HS3ST1: variants seen among roughly 807,000 people sequenced by gnomAD.
HS3ST1 encodes heparan sulfate glucosamine 3-O-sulfotransferase 1.
In HS3ST1, 8 loss-of-function variants were observed where a neutral mutation model predicts 20.7. The ratio of observed to expected loss-of-function variants is 0.39; its 90% confidence interval spans 0.23 to 0.70. The LOEUF is 0.70. HS3ST1 is among the 30% of genes least tolerant of loss of function. The pLI, the probability that HS3ST1 is intolerant of heterozygous loss-of-function variation, is 0.46. For synonymous variants in HS3ST1, 205 were observed against 190.4 expected, an observed-to-expected ratio of 1.08 and a Z score of -0.63; for missense variants, 436 against 423.4, an observed-to-expected ratio of 1.03 and a Z score of -0.26.
upstream of HS3ST1, chr4:11,429,521 G>A (rs997926351): frequency 2.0e-5 from 3 of 152,220 alleles, no homozygotes; most frequent in African/African-American, 7.2e-5. Context: ...CGGCGGCCTG[G>A]GCCAGAATCC....
chr4:11,422,411 G>A (rs1718962720), intron 1 of HS3ST1, among the ~76,000 whole-genome samples: 1 of 152,136 alleles, frequency 6.6e-6, no homozygotes, highest in African/African-American at 2.4e-5. Context: ...AAGCAAATAA[G>A]CCAATCCAGT....
rs1335815121 is a variant in HS3ST1, at chr4:11,397,829, A to T, written c.*1253T>A. 1 of 152,140 alleles carries T rather than the reference A, an allele frequency of 6.6e-6. No individual in the cohort carries two copies. The highest frequency in any genetic ancestry group is 2.4e-5 in the African/African-American group (1 of 41,430). 9.4% of individuals were successfully genotyped at this position (152,140 alleles called of 1,614,324 possible). ...TTTGCTTGTTTGTATTTTCTCTTTT[A>T]CTGTAATGAATGTTTTATTTTTATT... is the stretch of plus-strand genomic sequence containing the variant. On this transcript the variant is annotated 3_prime_UTR_variant, in exon 2 of 2. Coordinates refer to ENST00000002596, the MANE Select transcript of HS3ST1 (RefSeq NM_005114.4).
Position 11,394,740 on chromosome 4 carries a change from G to A in HS3ST1, c.*4342C>T, listed in dbSNP as rs1718091310. On this transcript the variant is annotated 3_prime_UTR_variant, in exon 2 of 2. Transcript: ENST00000002596. ...ACTGAAAAGGAGCAGAGACATCGGA[G>A]ACAAAATTTCATTTGTAAGAAGTAA... 6.6e-6 allele frequency: 1 copy of A among 152,218 alleles called. No homozygotes were observed. The highest frequency in any genetic ancestry group is 6.5e-5 in the Admixed American group (1 of 15,280). The allele number at this position is 152,218 out of a possible 1,614,324, so 9.4% of individuals were successfully genotyped here. A position where few individuals can be genotyped will look rare whatever the true frequency, so the allele number is the denominator to read the frequency against.
At chr4:11,418,589 A>G (rs751916576) in intron 1 of HS3ST1, among the ~76,000 whole-genome samples, 38 of 152,214 alleles carry the variant, frequency 2.5e-4, no homozygotes, top group South Asian at 1.0e-3. Context: ...TCTGGCCCCA[A>G]GAATGATCCT....
At chr4:11,424,310 G>T (rs1719010793) in intron 1 of HS3ST1, among the ~76,000 whole-genome samples, 1 of 152,212 alleles carries the variant, frequency 6.6e-6, no homozygotes, top group African/African-American at 2.4e-5. Context: ...TTGCTTGGAA[G>T]AATAATGTAT....
Position 11,421,493 on chromosome 4 carries a change from C to T in HS3ST1, c.-109+7206G>A, listed in dbSNP as rs182371366. 3.3e-5 allele frequency among the ~76,000 whole-genome samples: 5 copies of T among 152,342 alleles called. No individual in the cohort carries two copies. The East Asian group carries it at 9.6e-4, about 29-fold the overall frequency. On this transcript the variant is annotated intron_variant, in intron 1 of 1. Coordinates refer to ENST00000002596, the MANE Select transcript of HS3ST1 (RefSeq NM_005114.4). ...ATGTATTTTTCGGAGCACAGCTAGG[C>T]AAGCTTGCTTTTCATTTCAGCTGCA...
chr4:11,400,029 T>G lies in HS3ST1; in HGVS notation c.-24A>C, dbSNP rs1718279637. ...ATGCTGGACACCACGGTGGCTTCAC[T>G]GGGCCGCGCGCCGCTGGGTCATGAA... On this transcript the variant is annotated 5_prime_UTR_variant, in exon 2 of 2. Coordinates refer to ENST00000002596, the MANE Select transcript of HS3ST1 (RefSeq NM_005114.4). The G allele has an allele frequency of 6.8e-7, 1 of 1,471,638 alleles. No individual in the cohort carries two copies. The highest frequency in any genetic ancestry group is 9.0e-7 in the Non-Finnish European group (1 of 1,114,538). 91.2% of individuals were successfully genotyped at this position (1,471,638 alleles called of 1,614,324 possible). A position where few individuals can be genotyped will look rare whatever the true frequency, so the allele number is the denominator to read the frequency against.
intron 1 of HS3ST1, among the ~76,000 whole-genome samples, chr4:11,409,968 A>G (rs537498370): frequency 6.6e-6 from 1 of 152,346 alleles, no homozygotes; most frequent in African/African-American, 2.4e-5. Context: ...AAACTCAACT[A>G]TGGATATTTA....
chr4:11,419,777 G>A (rs971819506), intron 1 of HS3ST1, among the ~76,000 whole-genome samples: 26 of 152,154 alleles, frequency 1.7e-4, no homozygotes, highest in Admixed American at 6.5e-5. Flanking sequence ...GTGACAGGAC[G>A]TTGAGTTTGC....
In HS3ST1 at chr4:11,399,428, C is replaced by T; in HGVS notation, c.578G>A (p.Arg193His). The T allele has an allele frequency of 3.1e-6, 5 of 1,613,926 alleles. No individual in the cohort carries two copies. Among genetic ancestry groups the T allele is most frequent in the Non-Finnish European group, 4.2e-6 (5 of 1,179,982 alleles). ...RLNVDYKALN[R>H]SLYHVHMQNW... ...CTGCATGTGCACGTGGTAGAGGCTGCGGTTGAGGGCCTTGTAGTCCACATT... is the reference window on the plus strand; with the variant it reads ...CTGCATGTGCACGTGGTAGAGGCTGTGGTTGAGGGCCTTGTAGTCCACATT... Residue 193 changes from arginine to histidine, a missense_variant, in exon 2 of 2, where the codon CGC (arginine) becomes CAC (histidine). Physicochemically the swap from Arg to His is conservative, Grantham distance 29 (BLOSUM62 0). Coordinates refer to ENST00000002596, the MANE Select transcript of HS3ST1 (RefSeq NM_005114.4). The surrounding 1 kb of genome is among the most constrained non-coding windows in gnomAD (Gnocchi z 5.1).
intron 1 of HS3ST1, among the ~76,000 whole-genome samples, chr4:11,424,885 G>A (rs1719024235): frequency 6.6e-6 from 1 of 151,184 alleles, no homozygotes; most frequent in Non-Finnish European, 1.5e-5. Flanking sequence ...ATCCTTCTAT[G>A]AAGGGAAGGT....
rs560747028 is a variant in HS3ST1, at chr4:11,397,718, A to C, written c.*1364T>G. ...CCTGGGGTTGCTTGGAGAAATTTCA[A>C]TGAGTTCTTAAGTGTAGGAGATGAT... On this transcript the variant is annotated 3_prime_UTR_variant, in exon 2 of 2. Coordinates refer to ENST00000002596, the MANE Select transcript of HS3ST1 (RefSeq NM_005114.4). 1 of 152,182 alleles carries C rather than the reference A, an allele frequency of 6.6e-6. No homozygotes were observed. The highest frequency in any genetic ancestry group is 1.5e-5 in the Non-Finnish European group (1 of 68,038). The allele number at this position is 152,182 out of a possible 1,614,324, so 9.4% of individuals were successfully genotyped here. A position where few individuals can be genotyped will look rare whatever the true frequency, so the allele number is the denominator to read the frequency against.
chr4:11,418,188 A>G (rs1718836863), intron 1 of HS3ST1, among the ~76,000 whole-genome samples: 3 of 152,154 alleles, frequency 2.0e-5, no homozygotes, highest in Admixed American at 2.0e-4. Flanking sequence ...CACTTTAGCC[A>G]CCTGGAGGGG....
chr4:11,424,764 A>G (rs1026212135), intron 1 of HS3ST1, among the ~76,000 whole-genome samples: 2 of 151,850 alleles, frequency 1.3e-5, no homozygotes, highest in Admixed American at 6.6e-5. Context: ...CCCTTTAGCT[A>G]GTCTTTCAAG....
At chr4:11,421,224 C>T (rs189746340) in intron 1 of HS3ST1, among the ~76,000 whole-genome samples, 4 of 152,332 alleles carry the variant, frequency 2.6e-5, no homozygotes, top group African/African-American at 9.6e-5. Context: ...CCGTCTATTA[C>T]TCAGAGTGAC....
At chr4:11,426,942 G>T (rs113547097) in intron 1 of HS3ST1, among the ~76,000 whole-genome samples, 12 of 152,294 alleles carry the variant, frequency 7.9e-5, no homozygotes, top group African/African-American at 2.6e-4. Flanking sequence ...CGGAGCGCGC[G>T]TCTCCTGGAA....
At chr4:11,414,106 C>A (rs946247189) in intron 1 of HS3ST1, 1 of 152,150 alleles carries the variant, frequency 6.6e-6, no homozygotes, top group Non-Finnish European at 1.5e-5. Flanking sequence ...CTAACCAGGC[C>A]TGACCATGCT....
intron 1 of HS3ST1, among the ~76,000 whole-genome samples, chr4:11,421,831 A>G (rs1718946037): frequency 6.6e-6 from 1 of 152,194 alleles, no homozygotes; most frequent in African/African-American, 2.4e-5. Context: ...CAGGTAGAGA[A>G]TTTTGTCCCT....
chr4:11,399,273 T>C lies in HS3ST1; in HGVS notation c.733A>G (p.Asn245Asp). 1 of 1,614,122 alleles carries C rather than the reference T, an allele frequency of 6.2e-7. No homozygotes were observed. The highest frequency in any genetic ancestry group is 8.5e-7 in the Non-Finnish European group (1 of 1,180,028). ...CCCTTGGTTTTGTTAAAGTAGAAGTTCGAAGCATTGATCTGCGGCGACAGC... is the reference window on the plus strand; with the variant it reads ...CCCTTGGTTTTGTTAAAGTAGAAGTCCGAAGCATTGATCTGCGGCGACAGC... The part of the protein sequence containing the change: ...LKLSPQINAS[N>D]FYFNKTKGFY... The change falls in exon 2 of 2, where the codon AAC becomes GAC. Residue 245 changes from asparagine to aspartate, a missense_variant. Transcript: ENST00000002596. The surrounding 1 kb of genome is among the most constrained non-coding windows in gnomAD (Gnocchi z 5.1).
Sources: allele counts gnomAD v4.1 joint callset (sites outside exome capture counted in the v4.1 genomes callset), GRCh38; gene constraint gnomAD v4.1.1; non-coding constraint Gnocchi (gnomAD v3.1); transcripts MANE v1.5; gene names NCBI Gene and HGNC (gene_info 2026-07-23, HGNC 2026-07-21).